The following CAMKMT variants were observed in gnomAD, a reference collection of about 807,000 sequenced individuals.
CAMKMT encodes the protein CaM KMT.
CAMKMT carries 53 observed loss-of-function variants against 48.0 expected under a neutral mutation model. The observed-to-expected ratio is 1.10, with a 90% CI of 0.89 to 1.39. The LOEUF is 1.39. CAMKMT is among the 40% of genes most tolerant of loss of function. The pLI is 0.00. For synonymous variants in CAMKMT, 165 were observed against 152.3 expected (o/e 1.08, Z -0.61); for missense variants, 428 against 402.7 (o/e 1.06, Z -0.54).
At chr2:44,649,679 A>G (rs934228269) in intron 3 of CAMKMT, among the ~76,000 whole-genome samples, 4 of 152,188 alleles carry the variant, frequency 2.6e-5, no homozygotes, top group African/African-American at 9.7e-5. Flanking sequence ...TTTTCCCAAC[A>G]TTTGGCTGTA....
chr2:44,523,692 C>A (rs894846791), intron 3 of CAMKMT, among the ~76,000 whole-genome samples: 1 of 151,648 alleles, frequency 6.6e-6, no homozygotes, highest in African/African-American at 2.4e-5. Flanking sequence ...CTATAGAGTA[C>A]CTGTATATGA....
chr2:44,550,040 A>G (rs1282353733), intron 3 of CAMKMT, among the ~76,000 whole-genome samples: 2 of 152,246 alleles, frequency 1.3e-5, no homozygotes, highest in South Asian at 2.1e-4. Context: ...GTGTGTAGTC[A>G]TATTCACAAA....
chr2:44,713,405 C>T (rs1430228309), intron 6 of CAMKMT, among the ~76,000 whole-genome samples: 3 of 152,084 alleles, frequency 2.0e-5, no homozygotes, highest in Non-Finnish European at 4.4e-5. Flanking sequence ...TAATCAAAAA[C>T]AGTTGTCAGC....
chr2:44,408,025 CTTTT>C (rs58443811), intron 3 of CAMKMT, among the ~76,000 whole-genome samples: 6 of 105,254 alleles, frequency 5.7e-5, no homozygotes, highest in Admixed American at 1.9e-4. Flanking sequence ...TAGAGCATGT[CTTTT>C]TTTTTTTTTT....
intron 3 of CAMKMT, among the ~76,000 whole-genome samples, chr2:44,542,143 A>T (rs1667148495): frequency 6.6e-6 from 1 of 152,028 alleles, no homozygotes; most frequent in South Asian, 2.1e-4. Flanking sequence ...AAAAAAAAAA[A>T]AAGGCCATAT....
intron 3 of CAMKMT, chr2:44,631,591 G>T: frequency 1.9e-6 from 1 of 532,014 alleles, no homozygotes; most frequent in Admixed American, 3.5e-5. Context: ...ATGAGCCACT[G>T]CTCCCAGCTG....
intron 7 of CAMKMT, among the ~76,000 whole-genome samples, chr2:44,735,416 G>C (rs1030226667): frequency 6.6e-6 from 1 of 151,954 alleles, no homozygotes; most frequent in African/African-American, 2.4e-5. Context: ...TCTATTCTTT[G>C]TTCCCCCTTT....
chr2:44,546,767 A>C (rs1263839102), intron 3 of CAMKMT, among the ~76,000 whole-genome samples: 1 of 152,210 alleles, frequency 6.6e-6, no homozygotes, highest in Non-Finnish European at 1.5e-5. Context: ...TGTGACAGAG[A>C]GCACTTAAAA....
rs1008870237 is a variant in CAMKMT at position 44,532,550 on chromosome 2, A to T, written c.376+142245A>T. On this transcript the variant is annotated intron_variant, in intron 3 of 10. Coordinates refer to ENST00000378494, the MANE Select transcript of CAMKMT (RefSeq NM_024766.5). ...AGTATGACAATTTGCCTCCCCTCAA[A>T]CAGCTTAAACCATACTGGGGAAAAA... Among the ~76,000 whole-genome samples, 4 of 152,146 alleles carry T rather than the reference A, an allele frequency of 2.6e-5. No individual in the cohort carries two copies. In the South Asian group the frequency reaches 8.3e-4, roughly 32 times the overall value.
intron 3 of CAMKMT, among the ~76,000 whole-genome samples, chr2:44,554,089 C>A (rs899143622): frequency 1.3e-5 from 2 of 152,148 alleles, no homozygotes; most frequent in African/African-American, 4.8e-5. Flanking sequence ...TCCATTATGA[C>A]CTTTTGCTAA....
At chr2:44,694,411 C>T (rs968222847) in intron 3 of CAMKMT, among the ~76,000 whole-genome samples, 1 of 151,964 alleles carries the variant, frequency 6.6e-6, no homozygotes, top group African/African-American at 2.4e-5. Flanking sequence ...CTATCTCTAC[C>T]AAAAATAGAA....
At chr2:44,742,707 T>C (rs1020371687) in intron 7 of CAMKMT, among the ~76,000 whole-genome samples, 2 of 152,192 alleles carry the variant, frequency 1.3e-5, no homozygotes, top group African/African-American at 4.8e-5. Flanking sequence ...GGCTGACTGG[T>C]ATAAGACTTA....
intron 3 of CAMKMT, among the ~76,000 whole-genome samples, chr2:44,606,366 A>G (rs1346504270): frequency 6.6e-6 from 1 of 152,236 alleles, no homozygotes; most frequent in African/African-American, 2.4e-5. Context: ...TTCCATTTAA[A>G]TAACCTAGTC....
chr2:44,483,685 A>G (rs910319723), intron 3 of CAMKMT, among the ~76,000 whole-genome samples: 1 of 152,178 alleles, frequency 6.6e-6, no homozygotes, highest in African/African-American at 2.4e-5. Flanking sequence ...AGTTCTCAAT[A>G]TAAAACAAAA....
At chr2:44,366,572 T>G (rs1335098014) in intron 1 of CAMKMT, among the ~76,000 whole-genome samples, 1 of 152,240 alleles carries the variant, frequency 6.6e-6, no homozygotes, top group Admixed American at 6.5e-5. Flanking sequence ...GGACAACTTT[T>G]TACTTTCTAA....
At chr2:44,530,782 C>T (rs570985469) in intron 3 of CAMKMT, among the ~76,000 whole-genome samples, 338 of 151,972 alleles carry the variant, frequency 2.2e-3, no homozygotes, top group Non-Finnish European at 4.0e-3. Flanking sequence ...AAATTATTAA[C>T]GTTCTGATTT....
At chr2:44,555,591 G>A (rs1667964278) in intron 3 of CAMKMT, among the ~76,000 whole-genome samples, 1 of 152,170 alleles carries the variant, frequency 6.6e-6, no homozygotes, top group East Asian at 1.9e-4. Flanking sequence ...AAATTGATTT[G>A]GGAGTCATCT....
At chr2:44,682,152 T>C (rs1676054580) in intron 3 of CAMKMT, among the ~76,000 whole-genome samples, 1 of 152,262 alleles carries the variant, frequency 6.6e-6, no homozygotes, top group South Asian at 2.1e-4. Flanking sequence ...GATCTAACTG[T>C]AATGTATTTG....
At chr2:44,668,766 C>T (rs1675155317) in intron 3 of CAMKMT, among the ~76,000 whole-genome samples, 1 of 151,928 alleles carries the variant, frequency 6.6e-6, no homozygotes, top group South Asian at 2.1e-4. Context: ...CCATCATTTA[C>T]TTGCTTTTCT....
Sources: allele counts gnomAD v4.1 joint callset (sites outside exome capture counted in the v4.1 genomes callset), GRCh38; gene constraint gnomAD v4.1.1; transcripts MANE v1.5; gene names NCBI Gene and HGNC (gene_info 2026-07-23, HGNC 2026-07-21).